The following ESPN variants were observed in gnomAD, a reference collection of about 807,000 sequenced individuals.
ESPN encodes the protein espin, also known as autosomal recessive deafness type 36 protein.
ESPN carries 68 observed loss-of-function variants against 77.7 expected under a neutral mutation model. That is an observed-to-expected ratio of 0.87 (90% CI 0.72 to 1.07). The LOEUF (loss-of-function observed/expected upper bound fraction) is 1.07. Ranked by LOEUF, ESPN falls within the 50% of genes least tolerant of loss-of-function variation. The pLI is 0.00. For synonymous variants in ESPN, 449 were observed against 567.1 expected (o/e 0.79, Z 2.96); for missense variants, 1,060 against 1,239.0 (o/e 0.86, Z 2.17).
chr1:6,436,042 T>G (rs527894815), intron 2 of ESPN, among the ~76,000 whole-genome samples: 4 of 152,338 alleles, frequency 2.6e-5, no homozygotes, highest in African/African-American at 7.2e-5. Flanking sequence ...CAGGTCCTCC[T>G]GCCGGGGCTG....
chr1:6,460,853 C>CTG lies in ESPN; in HGVS notation c.*711_*712dup. ...GAATAGAGGATGAGGGGCCCTGACCCTGTGTCTCCAACTGCTGCACCCCAT... is the reference window on the plus strand; with the variant it reads ...GAATAGAGGATGAGGGGCCCTGACCCTGTGTGTCTCCAACTGCTGCACCCCAT... On this transcript the variant is annotated 3_prime_UTR_variant, in exon 13 of 13. Coordinates refer to ENST00000645284, the MANE Select transcript of ESPN (RefSeq NM_031475.3). 3.3e-6 allele frequency: 1 copy of CTG among 301,424 alleles called. No individual in the cohort carries two copies. The highest frequency in any genetic ancestry group is 6.5e-6 in the Non-Finnish European group (1 of 153,846). The allele number at this position is 301,424 out of a possible 1,614,324, so 18.7% of individuals were successfully genotyped here.
rs755403652 is a variant in ESPN, at chr1:6,460,063, C to A, written c.2482C>A (p.Arg828=). 6.2e-7 allele frequency: 1 copy of A among 1,613,532 alleles called. No individual in the cohort carries two copies. The highest frequency in any genetic ancestry group is 1.7e-5 in the Admixed American group (1 of 60,022). Residue 828 remains arginine, a synonymous_variant, in exon 13 of 13, where the codon CGG becomes AGG. Transcript: ENST00000645284. ...GGAGAAGGAACAGTCAGAGAAGCTG[C>A]GGACGCTGGGCTACGATGAGAGCAA... ...RREKEQSEKL[R]TLGYDESKLA...
At chr1:6,438,807 T>G (rs1394472303) in intron 2 of ESPN, among the ~76,000 whole-genome samples, 1 of 152,220 alleles carries the variant, frequency 6.6e-6, no homozygotes, top group Non-Finnish European at 1.5e-5. Flanking sequence ...TAATCTCAGT[T>G]GATGGTCATA....
intron 10 of ESPN, among the ~76,000 whole-genome samples, chr1:6,452,925 C>G (rs1643977626): frequency 6.7e-6 from 1 of 149,302 alleles, no homozygotes; most frequent in South Asian, 2.1e-4. Flanking sequence ...CAGGGTCTCA[C>G]TCTGTTACTG....
intron 6 of ESPN, among the ~76,000 whole-genome samples, chr1:6,445,341 A>G (rs1643790787): frequency 6.6e-6 from 1 of 152,238 alleles, no homozygotes; most frequent in Non-Finnish European, 1.5e-5. Context: ...GGTGCCCTGC[A>G]AAGATTGGAT....
At chr1:6,430,441 A>T (rs1643200474) in intron 2 of ESPN, among the ~76,000 whole-genome samples, 1 of 152,204 alleles carries the variant, frequency 6.6e-6, no homozygotes, top group Admixed American at 6.5e-5. Flanking sequence ...TTGGGGTGTT[A>T]TAACAGAAAG....
Position 6,444,682 on chromosome 1 carries a change from G to C in ESPN, c.1192G>C (p.Gly398Arg). 1 of 1,614,114 alleles carries C rather than the reference G, an allele frequency of 6.2e-7. No individual in the cohort carries two copies. Among genetic ancestry groups the C allele is most frequent in the Non-Finnish European group, 8.5e-7 (1 of 1,179,962 alleles). ...SSIKGQHPPC[G>R]LSSARAADIQ... ...CATCAAGGGCCAGCACCCTCCATGT[G>C]GTGAGTGTGCCCAGGAGGAAGACGG... The change falls in exon 6 of 13, where the codon GGG becomes CGG. Residue 398 changes from glycine (G) to arginine (R), a missense_variant and splice_region_variant. Transcript: ENST00000645284.
chr1:6,433,215 C>T (rs548151243), intron 2 of ESPN, among the ~76,000 whole-genome samples: 62 of 152,136 alleles, frequency 4.1e-4, no homozygotes, highest in Non-Finnish European at 8.1e-4. Flanking sequence ...GAAGCTGAGG[C>T]GGGCGGATCA....
intron 5 of ESPN, among the ~76,000 whole-genome samples, chr1:6,442,367 G>A (rs964181307): frequency 6.6e-6 from 1 of 151,982 alleles, no homozygotes; most frequent in Non-Finnish European, 1.5e-5. Flanking sequence ...TCAGTAGATC[G>A]AGACCATCCT....
chr1:6,424,921 G>A lies in ESPN; in HGVS notation c.-35G>A, dbSNP rs1348266322. ...ACGTGCATGGCGTCCTGGGGAAGGCGCTGAGTGCGGAGTCGCGGCGCCGCA... is the reference window on the plus strand; with the variant it reads ...ACGTGCATGGCGTCCTGGGGAAGGCACTGAGTGCGGAGTCGCGGCGCCGCA... On this transcript the variant is annotated 5_prime_UTR_variant, in exon 1 of 13. Coordinates refer to ENST00000645284, the MANE Select transcript of ESPN (RefSeq NM_031475.3). 51 of 1,425,634 alleles carry A rather than the reference G, an allele frequency of 3.6e-5. 1 individual carries two copies. The Admixed American group carries it at 9.5e-4, about 27-fold the overall frequency. 88.3% of individuals were successfully genotyped at this position (1,425,634 alleles called of 1,614,324 possible). A position where few individuals can be genotyped will look rare whatever the true frequency, so the allele number is the denominator to read the frequency against.
intron 10 of ESPN, chr1:6,455,142 C>A (rs2148544782): frequency 5.2e-6 from 2 of 388,256 alleles, no homozygotes; most frequent in South Asian, 2.6e-4. Context: ...CGACTGGGAG[C>A]CCCTGGGCAC....
At chr1:6,458,030 T>G (rs868546155) in intron 12 of ESPN, among the ~76,000 whole-genome samples, 1,695 of 136,202 alleles carry the variant, frequency 0.012, 30 homozygotes, top group African/African-American at 0.045. Context: ...AAAAAAAAAA[T>G]TTTTTTTTGA....
Position 6,440,372 on chromosome 1 carries a change from G to A in ESPN, c.607G>A (p.Ala203Thr), listed in dbSNP as rs369622120. Residue 203 changes from alanine to threonine, a missense_variant, in exon 3 of 13, where the codon GCC becomes ACC. Transcript: ENST00000645284. The stretch of plus-strand genomic sequence containing the variant: ...ATGCGGCGCAGACCCGCACGCGCGC[G>A]CCCACGACGGCATGACCCCGCTGCA... The part of the protein sequence containing the change: ...QECGADPHAR[A>T]HDGMTPLHAA... The A allele has an allele frequency of 7.6e-6, 12 of 1,587,492 alleles. No individual in the cohort carries two copies. The African/African-American group carries it at 1.2e-4, about 16-fold the overall frequency.
Position 6,460,159 on chromosome 1 carries a change from C to G in ESPN, c.*13C>G. ...CGCTAAGTACTAGAGGCCGCAGACTCCTGTCCGCAGCCTCGCAGCTCCGTG... is the reference window on the plus strand; with the variant it reads ...CGCTAAGTACTAGAGGCCGCAGACTGCTGTCCGCAGCCTCGCAGCTCCGTG... On this transcript the variant is annotated 3_prime_UTR_variant, in exon 13 of 13. Coordinates refer to ENST00000645284, the MANE Select transcript of ESPN (RefSeq NM_031475.3). The G allele has an allele frequency of 1.9e-6, 3 of 1,608,070 alleles. No homozygotes were observed. Among genetic ancestry groups the G allele is most frequent in the East Asian group, 2.2e-5 (1 of 44,762 alleles).
intron 2 of ESPN, among the ~76,000 whole-genome samples, chr1:6,439,920 A>G (rs1030618385): frequency 3.9e-5 from 6 of 152,166 alleles, no homozygotes; most frequent in African/African-American, 1.4e-4. Context: ...GAGGCAGAAG[A>G]ATCGCTTGAA....
chr1:6,454,944 G>A, intron 10 of ESPN: 1 of 384,062 alleles, frequency 2.6e-6, no homozygotes, highest in South Asian at 1.3e-4. Context: ...CCTCGAGTGC[G>A]GCGTCTCCGT....
rs558033269 is a variant in ESPN, at chr1:6,442,859, C to T, written c.991-1622C>T. On this transcript the variant is annotated intron_variant, in intron 5 of 12. Coordinates refer to ENST00000645284, the MANE Select transcript of ESPN (RefSeq NM_031475.3). The stretch of plus-strand genomic sequence containing the variant: ...CTCCAGCCTGGGTGACAGAGCAAGA[C>T]GCTGTCTCAAAAAAAAAAAAAAAAA... Among the ~76,000 whole-genome samples, 862 of 91,900 alleles carry T rather than the reference C, an allele frequency of 9.4e-3. 7 individuals are homozygous for T. The highest frequency in any genetic ancestry group is 0.038 in the African/African-American group (812 of 21,634). The allele number at this position is 91,900 out of a possible 152,430, so 60.3% of individuals were successfully genotyped here.
At position 6,451,536 on chromosome 1, in the gene ESPN, G is replaced by C. The variant is rs1569725173; in HGVS notation, c.1916-67G>C. 6.3e-6 allele frequency: 10 copies of C among 1,576,596 alleles called. No homozygotes were observed. In the East Asian group the frequency reaches 2.3e-4, roughly 37 times the overall value. On this transcript the variant is annotated intron_variant, in intron 8 of 12. Coordinates refer to ENST00000645284, the MANE Select transcript of ESPN (RefSeq NM_031475.3). The surrounding 1 kb of genome is among the most constrained non-coding windows in gnomAD (Gnocchi z 4.3). ...TGGCTTAGGAAAGGGGCTGCAGAGG[G>C]GCGGGTGAGGGGTGGCGGGGATGCA... is the stretch of plus-strand genomic sequence containing the variant.
At chr1:6,430,852 CCAGGCTCTGGGTCT>C (rs1643217367) in intron 2 of ESPN, among the ~76,000 whole-genome samples, 1 of 152,050 alleles carries the variant, frequency 6.6e-6, no homozygotes, top group South Asian at 2.1e-4. Flanking sequence ...TGGGCAAGTC[CCAGGCTCTGGGTCT>C]CAGGGAGATT....
Sources: allele counts gnomAD v4.1 joint callset (sites outside exome capture counted in the v4.1 genomes callset), GRCh38; gene constraint gnomAD v4.1.1; non-coding constraint Gnocchi (gnomAD v3.1); transcripts MANE v1.5; gene names NCBI Gene and HGNC (gene_info 2026-07-23, HGNC 2026-07-21).